The following LINGO2 variants were observed in gnomAD, a reference collection of about 807,000 sequenced individuals.
LINGO2 encodes leucine-rich repeat and immunoglobulin-like domain-containing nogo receptor-interacting protein 2.
Under a neutral mutation model 30.6 loss-of-function variants are expected in LINGO2, and 14 were observed. The ratio of observed to expected loss-of-function variants is 0.46; its 90% CI spans 0.30 to 0.72. The LOEUF (loss-of-function observed/expected upper bound fraction) is 0.72, where lower values mean the gene tolerates loss of function less well. Among genes scored for constraint, LINGO2 ranks in the 30% least tolerant of loss-of-function variants. The pLI is 0.07. For synonymous variants in LINGO2, 317 were observed against 288.5 expected, an observed-to-expected ratio of 1.10 and a Z score of -1.00; for missense variants, 729 against 751.7, an observed-to-expected ratio of 0.97 and a Z score of 0.35.
chr9:28,192,446 A>G (rs1023798375), intron 4 of LINGO2, among the ~76,000 whole-genome samples: 1 of 152,066 alleles, frequency 6.6e-6, no homozygotes, highest in Non-Finnish European at 1.5e-5. Flanking sequence ...TGCCGTGCCT[A>G]CCTAGATATT....
chr9:28,593,738 A>T (rs1424279968), intron 1 of LINGO2, among the ~76,000 whole-genome samples: 1 of 152,066 alleles, frequency 6.6e-6, no homozygotes, highest in Non-Finnish European at 1.5e-5. Flanking sequence ...ATTCTCTCTG[A>T]TACCAAAGGC....
chr9:29,189,450 G>A, the LINGO2 span, among the ~76,000 whole-genome samples: 2 of 150,912 alleles, frequency 1.3e-5, no homozygotes, highest in East Asian at 4.0e-4. Context: ...TCACCTCCCA[G>A]ACGGGGTCGC....
chr9:28,416,847 A>G (rs1193057919), intron 2 of LINGO2, among the ~76,000 whole-genome samples: 1 of 152,168 alleles, frequency 6.6e-6, no homozygotes, highest in East Asian at 1.9e-4. Flanking sequence ...AATCCTTTGT[A>G]TTTTTTAATC....
the LINGO2 span, among the ~76,000 whole-genome samples, chr9:28,787,263 A>C: frequency 6.6e-6 from 1 of 152,172 alleles, no homozygotes; most frequent in South Asian, 2.1e-4. Flanking sequence ...TAAGGAGGAA[A>C]GATCTTGTAC....
the LINGO2 span, among the ~76,000 whole-genome samples, chr9:29,210,926 C>G: frequency 6.6e-6 from 1 of 152,122 alleles, no homozygotes; most frequent in East Asian, 1.9e-4. Flanking sequence ...GTGATGGTGA[C>G]AGAACCCTAA....
At chr9:28,562,061 A>C (rs2135554769) in intron 1 of LINGO2, among the ~76,000 whole-genome samples, 1 of 151,912 alleles carries the variant, frequency 6.6e-6, no homozygotes, top group East Asian at 1.9e-4. Context: ...TTATCAAATA[A>C]CCCCATACAG....
In LINGO2 at chr9:28,561,709, TATATATAAATGTATTATATATAA is replaced by T. The variant is rs1422802856; in HGVS notation, c.-364-85707_-364-85685del. Among the ~76,000 whole-genome samples, 16 of 116,042 alleles carry T rather than the reference TATATATAAATGTATTATATATAA, an allele frequency of 1.4e-4. 2 individuals are homozygous for T. The highest frequency in any genetic ancestry group is 2.4e-4 in the African/African-American group (8 of 32,756). The allele number at this position is 116,042 out of a possible 152,430, so 76.1% of individuals were successfully genotyped here. A position where few individuals can be genotyped will look rare whatever the true frequency, so the allele number is the denominator to read the frequency against. The stretch of plus-strand genomic sequence containing the variant: ...TTATATATGTATAATATATATAAAT[TATATATAAATGTATTATATATAA>T]TTTTGTGTGTGTGTGTGTATATATA... On this transcript the variant is annotated intron_variant, in intron 1 of 5. Transcript: ENST00000379992.
At chr9:28,926,073 G>A in the LINGO2 span, among the ~76,000 whole-genome samples, 1 of 152,194 alleles carries the variant, frequency 6.6e-6, no homozygotes, top group Non-Finnish European at 1.5e-5. Flanking sequence ...CTAGCACTTT[G>A]GGAGGTCGAG....
chr9:28,029,362 A>G (rs1285579739), intron 4 of LINGO2, among the ~76,000 whole-genome samples: 1 of 152,162 alleles, frequency 6.6e-6, no homozygotes, highest in Non-Finnish European at 1.5e-5. Flanking sequence ...TGGCCAATAT[A>G]TTGACAAACA....
intron 4 of LINGO2, among the ~76,000 whole-genome samples, chr9:28,026,995 T>C (rs1823410267): frequency 6.6e-6 from 1 of 152,152 alleles, no homozygotes; most frequent in African/African-American, 2.4e-5. Flanking sequence ...TATCTAATGG[T>C]CCATCTTTCC....
the LINGO2 span, among the ~76,000 whole-genome samples, chr9:28,950,181 A>G: frequency 6.6e-6 from 1 of 152,234 alleles, no homozygotes; most frequent in Non-Finnish European, 1.5e-5. Flanking sequence ...CAAGCTTTCA[A>G]TAAAAGTCAA....
intron 2 of LINGO2, among the ~76,000 whole-genome samples, chr9:28,396,273 G>A (rs1251837291): frequency 6.6e-6 from 1 of 152,168 alleles, no homozygotes; most frequent in Non-Finnish European, 1.5e-5. Flanking sequence ...TGAATCATAT[G>A]CAAAGTAAAT....
intron 4 of LINGO2, among the ~76,000 whole-genome samples, chr9:28,050,989 A>G (rs1299930328): frequency 6.6e-6 from 1 of 151,028 alleles, no homozygotes; most frequent in African/African-American, 2.4e-5. Context: ...AGAAGTATAG[A>G]TGAAATACAA....
Position 28,384,385 on chromosome 9 carries a change from GTAA to G in LINGO2, c.-278-11520_-278-11518del, listed in dbSNP as rs1421420003. 7.1e-5 allele frequency among the ~76,000 whole-genome samples: 10 copies of G among 141,672 alleles called. No individual in the cohort carries two copies. The Admixed American group carries it at 7.1e-4, about 10-fold the overall frequency. 92.9% of individuals were successfully genotyped at this position (141,672 alleles called of 152,430 possible). On this transcript the variant is annotated intron_variant, in intron 2 of 5. Transcript: ENST00000379992. ...TGTGTGATTTTTTAACTTAAAAAAG[GTAA>G]TAATGTTGTATGTAATCATTTGGAC...
the LINGO2 span, among the ~76,000 whole-genome samples, chr9:28,685,066 G>A: frequency 2.0e-5 from 3 of 152,094 alleles, 1 homozygote; most frequent in South Asian, 2.1e-4. Context: ...ACTTATAACT[G>A]AGAACATGTG....
intron 4 of LINGO2, among the ~76,000 whole-genome samples, chr9:28,188,414 C>T (rs1262201771): frequency 6.6e-6 from 1 of 152,160 alleles, no homozygotes; most frequent in Non-Finnish European, 1.5e-5. Flanking sequence ...TGGCCATCCT[C>T]TCTTCAACCA....
chr9:28,899,554 C>T, the LINGO2 span, among the ~76,000 whole-genome samples: 1 of 152,352 alleles, frequency 6.6e-6, no homozygotes, highest in African/African-American at 2.4e-5. Flanking sequence ...CTAGCCCTTG[C>T]ATCCCTAGCC....
At chr9:28,087,154 G>T (rs1242412629) in intron 4 of LINGO2, among the ~76,000 whole-genome samples, 1 of 152,032 alleles carries the variant, frequency 6.6e-6, no homozygotes, top group African/African-American at 2.4e-5. Flanking sequence ...AGACCAGTTA[G>T]CTCCTAGTCC....
At chr9:29,206,564 C>T in the LINGO2 span, among the ~76,000 whole-genome samples, 1 of 152,110 alleles carries the variant, frequency 6.6e-6, no homozygotes, top group South Asian at 2.1e-4. Context: ...AGTTTCCTCC[C>T]CCTGCATGAA....
Sources: gnomAD v4.1 joint callset for allele counts (sites outside exome capture counted in the v4.1 genomes callset) on GRCh38, gnomAD v4.1.1 for gene constraint, MANE v1.5 for transcripts, NCBI Gene and HGNC (gene_info 2026-07-23, HGNC 2026-07-21) for gene names.